NRXN3: variants seen among roughly 807,000 people sequenced by gnomAD.
NRXN3 encodes the protein neurexin 3.
A neutral mutation model predicts 137.6 loss-of-function variants in NRXN3; 32 were observed. That is an observed-to-expected ratio of 0.23 (90% CI 0.18 to 0.31). NRXN3 has a LOEUF of 0.31. Among genes scored for constraint, NRXN3 ranks in the 10% least tolerant of loss-of-function variants. NRXN3 has a pLI of 1.00. For synonymous variants in NRXN3, 798 were observed against 784.5 expected, an observed-to-expected ratio of 1.02 and a Z score of -0.29; for missense variants, 1,574 against 2,062.5, an observed-to-expected ratio of 0.76 and a Z score of 4.59.
chr14:78,370,051 C>T (rs190348050), intron 4 of NRXN3, among the ~76,000 whole-genome samples: 1 of 152,226 alleles, frequency 6.6e-6, no homozygotes, highest in East Asian at 1.9e-4. Context: ...TCATTTATCA[C>T]CAATCCAGCC....
chr14:78,677,730 T>C (rs1211400661), intron 6 of NRXN3, among the ~76,000 whole-genome samples: 1 of 152,154 alleles, frequency 6.6e-6, no homozygotes, highest in Non-Finnish European at 1.5e-5. Flanking sequence ...TACAAAGAAA[T>C]CTTTTGTGAA....
At chr14:78,177,214 A>C (rs572669667) in intron 1 of NRXN3, among the ~76,000 whole-genome samples, 2 of 152,266 alleles carry the variant, frequency 1.3e-5, no homozygotes, top group East Asian at 3.9e-4. Context: ...GAATCCAGAC[A>C]TTGGCCCCAG....
chr14:79,640,755 G>T lies in NRXN3; in HGVS notation c.3445-23023G>T, dbSNP rs1028473278. Among the ~76,000 whole-genome samples, 2 of 135,534 alleles carry T rather than the reference G, an allele frequency of 1.5e-5. 1 individual carries two copies. Among genetic ancestry groups the T allele is most frequent in the Non-Finnish European group, 3.4e-5 (2 of 58,308 alleles). The allele number at this position is 135,534 out of a possible 152,430, so 88.9% of individuals were successfully genotyped here. A position where few individuals can be genotyped will look rare whatever the true frequency, so the allele number is the denominator to read the frequency against. ...GGTGACTTTTGTTCTACTTGATACG[G>T]CATATCCATTCTTGAGTGAGGCTGA... On this transcript the variant is annotated intron_variant, in intron 16 of 20. Transcript: ENST00000335750.
chr14:79,137,841 G>A lies in NRXN3; in HGVS notation c.3262+149700G>A, dbSNP rs553111241. On this transcript the variant is annotated intron_variant, in intron 15 of 20. Transcript: ENST00000335750. ...CTGATATTAGGGTATAGGACAGGAC[G>A]AGGAATAATTAAAGTCCCTCCAAAG... Among the ~76,000 whole-genome samples, 20 of 152,112 alleles carry A rather than the reference G, an allele frequency of 1.3e-4. No homozygotes were observed. The South Asian group carries it at 2.1e-3, about 16-fold the overall frequency.
At chr14:79,129,190 T>C (rs1418979907) in intron 15 of NRXN3, among the ~76,000 whole-genome samples, 2 of 151,968 alleles carry the variant, frequency 1.3e-5, no homozygotes, top group Non-Finnish European at 2.9e-5. Flanking sequence ...AGTTCTGCTC[T>C]GATTTTAGTT....
intron 10 of NRXN3, among the ~76,000 whole-genome samples, chr14:78,858,080 G>T (rs188469305): frequency 1.3e-5 from 2 of 152,264 alleles, no homozygotes; most frequent in East Asian, 1.9e-4. Flanking sequence ...AAACTAATTT[G>T]CTAGGGGAGT....
Position 78,943,420 on chromosome 14 carries a change from G to T in NRXN3, c.2276-13822G>T, listed in dbSNP as rs576974607. ...GGAACCTGGGCTCAGCAGCAGTCAA[G>T]GGGGATTCTGTGAAGTCTGGGGGGA... is the stretch of plus-strand genomic sequence containing the variant. On this transcript the variant is annotated intron_variant, in intron 10 of 20. Coordinates refer to ENST00000335750, the MANE Select transcript of NRXN3 (RefSeq NM_001330195.2). 1.2e-4 allele frequency among the ~76,000 whole-genome samples: 18 copies of T among 151,342 alleles called. No individual in the cohort carries two copies. The East Asian group carries it at 3.5e-3, about 30-fold the overall frequency.
At chr14:78,252,488 A>C (rs1596385526) in intron 2 of NRXN3, among the ~76,000 whole-genome samples, 1 of 152,316 alleles carries the variant, frequency 6.6e-6, no homozygotes, top group East Asian at 1.9e-4. Flanking sequence ...GTGTCTTTGT[A>C]GCTAAGAAAA....
At chr14:79,520,322 T>C (rs2097050966) in intron 16 of NRXN3, among the ~76,000 whole-genome samples, 1 of 152,142 alleles carries the variant, frequency 6.6e-6, no homozygotes, top group South Asian at 2.1e-4. Flanking sequence ...ATACTTTAAG[T>C]TCTGGGATAC....
intron 15 of NRXN3, among the ~76,000 whole-genome samples, chr14:79,234,674 A>G (rs559061129): frequency 6.8e-4 from 103 of 152,042 alleles, no homozygotes; most frequent in African/African-American, 2.3e-3. Flanking sequence ...AAGCCAGGGT[A>G]GCTTTTTAAT....
At position 78,800,630 on chromosome 14, in the gene NRXN3, T is replaced by C. The variant is rs182761226; in HGVS notation, c.2045-2990T>C. Among the ~76,000 whole-genome samples the C allele has an allele frequency of 2.4e-3, 360 of 152,350 alleles. 2 individuals are homozygous for C. Among genetic ancestry groups the C allele is most frequent in the South Asian group, 1.4e-3 (7 of 4,832 alleles). On this transcript the variant is annotated intron_variant, in intron 8 of 20. Coordinates refer to ENST00000335750, the MANE Select transcript of NRXN3 (RefSeq NM_001330195.2). Reference sequence around the variant, plus strand: ...CATGTCATGAGTTTTACCTGGGAGATGGCTGATTTTCAGGACTATCATAAG... The same window carrying C: ...CATGTCATGAGTTTTACCTGGGAGACGGCTGATTTTCAGGACTATCATAAG...
intron 10 of NRXN3, among the ~76,000 whole-genome samples, chr14:78,815,581 G>A (rs529880272): frequency 1.4e-5 from 2 of 147,652 alleles, no homozygotes; most frequent in African/African-American, 5.0e-5. Flanking sequence ...ACAGCATGTG[G>A]GTGGTTATTG....
intron 4 of NRXN3, among the ~76,000 whole-genome samples, chr14:78,371,071 A>G (rs759230): frequency 0.98 from 149,098 of 152,282 alleles, 73,040 homozygotes; most frequent in Non-Finnish European, 1. Context: ...GTAGAAGAGG[A>G]CAGTTCCCCA....
intron 10 of NRXN3, among the ~76,000 whole-genome samples, chr14:78,842,899 T>C (rs1596403706): frequency 6.6e-6 from 1 of 152,170 alleles, no homozygotes; most frequent in African/African-American, 2.4e-5. Context: ...TTATCTCTCT[T>C]GTTCCCTGAA....
intron 15 of NRXN3, among the ~76,000 whole-genome samples, chr14:79,023,349 A>G (rs1428152905): frequency 6.6e-6 from 1 of 152,106 alleles, no homozygotes; most frequent in Non-Finnish European, 1.5e-5. Context: ...TGAAGCTTAC[A>G]TTGAATGGAA....
chr14:78,363,556 A>G (rs75124957), intron 4 of NRXN3, among the ~76,000 whole-genome samples: 1 of 152,204 alleles, frequency 6.6e-6, no homozygotes, highest in Non-Finnish European at 1.5e-5. Flanking sequence ...TTACTCATAC[A>G]GTTAGTCAAT....
At chr14:79,621,944 T>C (rs1349086306) in intron 16 of NRXN3, among the ~76,000 whole-genome samples, 1 of 152,180 alleles carries the variant, frequency 6.6e-6, no homozygotes, top group Non-Finnish European at 1.5e-5. Flanking sequence ...TTGTTTCAAA[T>C]GTAGAATCTC....
At chr14:79,359,209 A>C (rs910499572) in intron 15 of NRXN3, among the ~76,000 whole-genome samples, 1 of 152,286 alleles carries the variant, frequency 6.6e-6, no homozygotes, top group African/African-American at 2.4e-5. Context: ...GTTCTCATTA[A>C]GTTCTGATTG....
At chr14:79,618,303 A>C (rs1276724628) in intron 16 of NRXN3, among the ~76,000 whole-genome samples, 2 of 152,094 alleles carry the variant, frequency 1.3e-5, no homozygotes, top group African/African-American at 2.4e-5. Context: ...CATCATTCTT[A>C]GCATAGTAGT....
Sources: allele counts gnomAD v4.1 joint callset (sites outside exome capture counted in the v4.1 genomes callset), GRCh38; gene constraint gnomAD v4.1.1; transcripts MANE v1.5; gene names NCBI Gene and HGNC (gene_info 2026-07-23, HGNC 2026-07-21).